Variants in TBL1Y observed in about 807,000 individuals in gnomAD.
TBL1Y encodes transducin beta like 1 Y-linked.
TBL1Y carries 15 observed loss-of-function variants against 12.0 expected under a neutral mutation model. The observed-to-expected ratio is 1.25, with a 90% CI of 0.83 to 1.92. The LOEUF (loss-of-function observed/expected upper bound fraction) is 1.92, where lower values mean the gene tolerates loss of function less well. TBL1Y is among the 40% of genes most tolerant of loss of function. The probability of loss-of-function intolerance (pLI) is 0.00; values close to 1 mark genes in which losing one functional copy is unlikely to be tolerated. For synonymous variants in TBL1Y, 53 were observed against 42.6 expected (o/e 1.24, Z -0.95); for missense variants, 148 against 116.7 (o/e 1.27, Z -1.24).
intron 4 of TBL1Y, among the ~76,000 whole-genome samples, chrY:6,999,880 C>T: frequency 3.9e-5 from 1 of 25,403 alleles, no homozygotes; most frequent in East Asian, 1.1e-3. Flanking sequence ...CTCCCTGCCT[C>T]CCTTCATGAA....
intron 7 of TBL1Y, among the ~76,000 whole-genome samples, chrY:7,063,214 A>G (rs2012901524): frequency 3.0e-5 from 1 of 33,475 alleles, no homozygotes; most frequent in Non-Finnish European, 7.4e-5. Flanking sequence ...TGGTGCCGCA[A>G]AAGAAATAGC....
At chrY:7,047,665 T>C in intron 7 of TBL1Y, among the ~76,000 whole-genome samples, 2 of 32,947 alleles carry the variant, frequency 6.1e-5, no homozygotes, top group Non-Finnish European at 1.5e-4. Context: ...TTATTCGAAT[T>C]GCGTATTTAA....
In TBL1Y at chrY:6,910,887, C is replaced by A. The variant is rs2011684760; in HGVS notation, c.-446C>A. 2.5e-5 allele frequency: 1 copy of A among 39,247 alleles called. No individual in the cohort carries two copies. The highest frequency in any genetic ancestry group is 6.0e-5 in the Non-Finnish European group (1 of 16,557). The allele number at this position is 39,247 out of a possible 400,897, so 9.8% of individuals were successfully genotyped here. ...TCCGGTGCGCCGGGCTCTTTTCGGC[C>A]GCCGCACGGCCGGGCCTCACAGGCT... is the stretch of plus-strand genomic sequence containing the variant. On this transcript the variant is annotated 5_prime_UTR_variant, in exon 1 of 19. Coordinates refer to ENST00000383032, the MANE Select transcript of TBL1Y (RefSeq NM_033284.2).
rs768606987 is a variant in TBL1Y, at chrY:7,090,176, G to A, written c.1534G>A (p.Ala512Thr). Residue 512 changes from alanine (A) to threonine (T), a missense_variant, in exon 18 of 19, where the codon GCG (alanine) becomes ACG (threonine). Transcript: ENST00000383032. ...CCGAGGAGATAAAGTGGGCGCCAGC[G>A]CGTCTGATGGCTCTGTAAGCAACAC... ...NARGDKVGAS[A>T]SDGSVCVLDL The A allele has an allele frequency of 1.5e-5, 6 of 396,686 alleles. No individual in the cohort carries two copies. The highest frequency in any genetic ancestry group is 3.0e-5 in the South Asian group (1 of 33,338).
chrY:7,063,594 G>C, intron 7 of TBL1Y, among the ~76,000 whole-genome samples: 3 of 32,963 alleles, frequency 9.1e-5, no homozygotes, highest in Non-Finnish European at 1.5e-4. Flanking sequence ...AATGAGTCAG[G>C]GTGGAGTAGG....
At chrY:6,929,834 A>T in intron 2 of TBL1Y, among the ~76,000 whole-genome samples, 1 of 33,864 alleles carries the variant, frequency 3.0e-5, no homozygotes, top group Non-Finnish European at 7.3e-5. Flanking sequence ...TCTTTATAGT[A>T]ATACTTCATT....
intron 7 of TBL1Y, among the ~76,000 whole-genome samples, chrY:7,045,654 T>C (rs2012753751): frequency 3.0e-5 from 1 of 33,717 alleles, no homozygotes; most frequent in Non-Finnish European, 7.3e-5. Flanking sequence ...AGCTCCTTAA[T>C]GGCCAGGGGT....
At chrY:7,055,983 C>T (rs1010385878) in intron 7 of TBL1Y, among the ~76,000 whole-genome samples, 3 of 33,389 alleles carry the variant, frequency 9.0e-5, no homozygotes, top group Non-Finnish European at 1.5e-4. Flanking sequence ...AGTATAAAAA[C>T]GTCTTTGCAT....
At chrY:7,028,909 C>A (rs2012640073) in intron 6 of TBL1Y, among the ~76,000 whole-genome samples, 1 of 32,202 alleles carries the variant, frequency 3.1e-5, no homozygotes. Flanking sequence ...CTGTAGTGAG[C>A]AGCTCCCCCA....
chrY:7,071,086 C>T, intron 10 of TBL1Y, among the ~76,000 whole-genome samples: 1 of 33,445 alleles, frequency 3.0e-5, no homozygotes, highest in Non-Finnish European at 7.4e-5. Context: ...ATCTTTGCAT[C>T]GTGAACATGT....
chrY:6,917,827 C>A (rs1042824518), intron 2 of TBL1Y, among the ~76,000 whole-genome samples: 7 of 32,675 alleles, frequency 2.1e-4, no homozygotes, highest in Non-Finnish European at 3.7e-4. Flanking sequence ...GTCTTACTTA[C>A]AAGGAGGGTC....
intron 2 of TBL1Y, among the ~76,000 whole-genome samples, chrY:6,931,417 CAAAT>C (rs2011865039): frequency 3.0e-5 from 1 of 33,757 alleles, no homozygotes; most frequent in African/African-American, 1.2e-4. Context: ...AACACACAAA[CAAAT>C]AAAACTATTT....
intron 6 of TBL1Y, among the ~76,000 whole-genome samples, chrY:7,038,474 C>T: frequency 1.3e-4 from 4 of 31,958 alleles, no homozygotes; most frequent in African/African-American, 3.7e-4. Flanking sequence ...GTCACCTCCC[C>T]ACCGTGGTGG....
chrY:7,086,111 A>G, intron 15 of TBL1Y, 139 bp downstream of exon 15: 2 of 249,072 alleles, frequency 8.0e-6, no homozygotes, highest in Non-Finnish European at 1.3e-5. Context: ...GTGAACTCCA[A>G]TTTCTCAGTC....
At chrY:6,933,709 G>A in intron 2 of TBL1Y, among the ~76,000 whole-genome samples, 1 of 33,204 alleles carries the variant, frequency 3.0e-5, no homozygotes, top group Non-Finnish European at 7.4e-5. Flanking sequence ...AGGGCAGAAA[G>A]CTCCCAATGT....
chrY:7,016,010 C>T, intron 4 of TBL1Y, among the ~76,000 whole-genome samples: 2 of 33,118 alleles, frequency 6.0e-5, no homozygotes, highest in Non-Finnish European at 1.5e-4. Flanking sequence ...CTGTGACAAG[C>T]TGTTAGATTC....
intron 6 of TBL1Y, among the ~76,000 whole-genome samples, chrY:7,037,310 A>T: frequency 3.0e-5 from 1 of 33,730 alleles, no homozygotes; most frequent in Non-Finnish European, 7.4e-5. Context: ...TAGTTAACAG[A>T]TAACTATGTT....
intron 2 of TBL1Y, among the ~76,000 whole-genome samples, chrY:6,936,346 T>C: frequency 1.5e-4 from 5 of 34,197 alleles, no homozygotes; most frequent in African/African-American, 2.3e-4. Context: ...TCTGAGGTGC[T>C]GCTCTGCCCC....
chrY:6,992,387 T>G, intron 3 of TBL1Y, among the ~76,000 whole-genome samples: 1 of 32,987 alleles, frequency 3.0e-5, no homozygotes, highest in Non-Finnish European at 7.4e-5. Flanking sequence ...TGTGTCCAAA[T>G]TTCCCTTTGT....
Sources: gnomAD v4.1 joint callset for allele counts (sites outside exome capture counted in the v4.1 genomes callset) on GRCh38, gnomAD v4.1.1 for gene constraint, MANE v1.5 for transcripts, NCBI Gene and HGNC (gene_info 2026-07-23, HGNC 2026-07-21) for gene names.